Variants in MRAP observed in about 807,000 individuals in gnomAD.
The protein encoded by MRAP is melanocortin 2 receptor accessory protein.
Under a neutral mutation model 8.7 loss-of-function variants are expected in MRAP, and 8 were observed. That is an observed-to-expected ratio of 0.92 (90% confidence interval 0.54 to 1.66). The LOEUF is 1.66. MRAP is among the 40% of genes most tolerant of loss of function. MRAP has a pLI of 0.00. For synonymous variants in MRAP, 95 were observed against 95.5 expected, an observed-to-expected ratio of 1.00 and a Z score of 0.03; for missense variants, 237 against 217.1, an observed-to-expected ratio of 1.09 and a Z score of -0.58.
At chr21:32,295,628 A>C (rs552444560), upstream of MRAP, among the ~76,000 whole-genome samples, 1 of 152,234 alleles carries the variant, frequency 6.6e-6, no homozygotes, top group South Asian at 2.1e-4. Context: ...CCATTATAAC[A>C]GTATTAGTCT....
intron 1 of MRAP, among the ~76,000 whole-genome samples, chr21:32,300,584 G>T (rs574049421): frequency 2.3e-4 from 33 of 145,458 alleles, no homozygotes; most frequent in African/African-American, 8.3e-4. Flanking sequence ...TCATGTCAGG[G>T]GCGTCACACG....
intron 1 of MRAP, among the ~76,000 whole-genome samples, chr21:32,300,753 G>A (rs114204202): frequency 0.021 from 2,585 of 124,558 alleles, 71 homozygotes; most frequent in African/African-American, 0.069. Flanking sequence ...TGTGTCGTGC[G>A]TCCTATGTCA....
At chr21:32,302,978 C>T (rs1568796547) in intron 1 of MRAP, among the ~76,000 whole-genome samples, 1 of 56,880 alleles carries the variant, frequency 1.8e-5, no homozygotes, top group African/African-American at 8.1e-5. Flanking sequence ...GCCCCAATTC[C>T]CTTTTTTTTT....
At chr21:32,297,229 C>T (rs771490685), upstream of MRAP, among the ~76,000 whole-genome samples, 2 of 152,158 alleles carry the variant, frequency 1.3e-5, no homozygotes, top group Non-Finnish European at 2.9e-5. Flanking sequence ...GAGGTGGGGG[C>T]TAGTTGTCAG....
chr21:32,306,566 G>T, intron 1 of MRAP, 74 bp from the exon 2 acceptor site: 1 of 1,226,678 alleles, frequency 8.2e-7, no homozygotes, highest in South Asian at 1.2e-5. Flanking sequence ...AATACCCTGG[G>T]ACTCCTTACT....
At chr21:32,304,975 T>TTG (rs374989640) in intron 1 of MRAP, among the ~76,000 whole-genome samples, 1,346 of 74,034 alleles carry the variant, frequency 0.018, 18 homozygotes, top group Non-Finnish European at 0.037. Flanking sequence ...GTTTTTTTTT[T>TTG]TTTTTTTTTT....
At position 32,311,769 on chromosome 21, in the gene MRAP, A is replaced by G; in HGVS notation, c.292A>G (p.Arg98Gly). The G allele has an allele frequency of 6.2e-7, 1 of 1,614,126 alleles. No individual in the cohort carries two copies. The highest frequency in any genetic ancestry group is 8.5e-7 in the Non-Finnish European group (1 of 1,180,026). ...CATCCAGAAGTGCCTGCCGTGCCAC[A>G]GGGAACCCCTGGCAACCTCACAGGC... is the stretch of plus-strand genomic sequence containing the variant. The part of the protein sequence containing the change: ...LCIQKCLPCH[R>G]EPLATSQAQA... The change falls in exon 3 of 3, where the codon AGG becomes GGG. Residue 98 changes from arginine to glycine, a missense_variant. By Grantham distance (125) the Arg-to-Gly change is moderately radical. Coordinates refer to ENST00000303645, the MANE Select transcript of MRAP (RefSeq NM_001379228.1).
At position 32,302,366 on chromosome 21, in the gene MRAP, T is replaced by C. The variant is rs553857772; in HGVS notation, c.106+3289T>C. ...TCCAAAAGAAGAGACCTGTAAGTAT[T>C]TGATGAATATATGTGTTTTAGTAAG... On this transcript the variant is annotated intron_variant, in intron 1 of 2. Transcript: ENST00000303645. 4.6e-5 allele frequency among the ~76,000 whole-genome samples: 7 copies of C among 152,330 alleles called. No individual in the cohort carries two copies. In the South Asian group the frequency reaches 1.2e-3, roughly 27 times the overall value.
chr21:32,307,596 A>T (rs908880932), intron 2 of MRAP, among the ~76,000 whole-genome samples: 5 of 151,212 alleles, frequency 3.3e-5, no homozygotes, highest in Non-Finnish European at 5.9e-5. Context: ...AAAAAAAAAG[A>T]AGTTCTAAAA....
In MRAP at chr21:32,306,436, A is replaced by AG. The variant is rs575218401; in HGVS notation, c.107-202dup. ...ACAGACCCCGTGGCCAGCTGCCCTG[A>AG]GGAAAAAGACACTTCTTGGCTCCCC... On this transcript the variant is annotated intron_variant, in intron 1 of 2. Coordinates refer to ENST00000303645, the MANE Select transcript of MRAP (RefSeq NM_001379228.1). The AG allele has an allele frequency of 1.6e-3, 1,004 of 631,922 alleles. 4 individuals carry two copies. Among genetic ancestry groups the AG allele is most frequent in the Non-Finnish European group, 2.3e-3 (792 of 346,174 alleles). The allele number at this position is 631,922 out of a possible 1,614,324, so 39.1% of individuals were successfully genotyped here. A position where few individuals can be genotyped will look rare whatever the true frequency, so the allele number is the denominator to read the frequency against.
At chr21:32,291,935 AGAGT>A (rs1255410471) in intron 1 of MRAP, 8 of 152,186 alleles carry the variant, frequency 5.3e-5, no homozygotes, top group Admixed American at 3.3e-4. Flanking sequence ...AGAAAGAGAG[AGAGT>A]AAGAATAGGA....
At chr21:32,314,571 T>C (rs1032680008), downstream of MRAP, 2 of 1,614,202 alleles carry the variant, frequency 1.2e-6, no homozygotes, top group South Asian at 1.1e-5. Context: ...GATGAATCTC[T>C]TCTGCATTCA....
chr21:32,298,006 C>T (rs566582315), upstream of MRAP, among the ~76,000 whole-genome samples: 5 of 152,280 alleles, frequency 3.3e-5, no homozygotes, highest in South Asian at 6.2e-4. Context: ...GAAAGCTGGG[C>T]GTATTGGAGG....
chr21:32,311,240 C>A (rs1225071020), intron 2 of MRAP: 3 of 171,572 alleles, frequency 1.7e-5, no homozygotes, highest in South Asian at 1.6e-4. Flanking sequence ...CAATTACCTC[C>A]CACTGGGTCC....
At chr21:32,297,929 G>C (rs2032170103), upstream of MRAP, among the ~76,000 whole-genome samples, 1 of 152,164 alleles carries the variant, frequency 6.6e-6, no homozygotes. Flanking sequence ...AAGTTATCTG[G>C]GTGGACTGTC....
At chr21:32,294,554 T>C (rs1020307044), upstream of MRAP, among the ~76,000 whole-genome samples, 1 of 152,220 alleles carries the variant, frequency 6.6e-6, no homozygotes, top group Non-Finnish European at 1.5e-5. Flanking sequence ...TTGGGTTATC[T>C]GTCTTTTTAT....
chr21:32,312,179 G>C lies in MRAP; in HGVS notation c.*183G>C. 6.6e-7 allele frequency: 1 copy of C among 1,504,124 alleles called. No individual in the cohort carries two copies. The highest frequency in any genetic ancestry group is 8.8e-7 in the Non-Finnish European group (1 of 1,130,092). 93.2% of individuals were successfully genotyped at this position (1,504,124 alleles called of 1,614,324 possible). On this transcript the variant is annotated 3_prime_UTR_variant, in exon 3 of 3. Transcript: ENST00000303645. ...ATTGCAGTGGCCCCTCGAGTGCAGA[G>C]GTCATCCCAGGTGTTGCTGAGTTTA...
intron 2 of MRAP, among the ~76,000 whole-genome samples, chr21:32,310,398 C>G (rs8127539): frequency 0.99 from 151,454 of 152,242 alleles, 75,340 homozygotes; most frequent in Middle Eastern, 1. Flanking sequence ...CATCTGAAAG[C>G]ATGGCCTCTG....
chr21:32,306,901 C>T (rs2032434322), intron 2 of MRAP, 162 bp downstream of exon 2: 1 of 698,190 alleles, frequency 1.4e-6, no homozygotes, highest in Admixed American at 2.0e-5. Context: ...CATCTCAAAT[C>T]CAAAAATCCG....
Sources: allele counts gnomAD v4.1 joint callset (sites outside exome capture counted in the v4.1 genomes callset), GRCh38; gene constraint gnomAD v4.1.1; transcripts MANE v1.5; gene names NCBI Gene and HGNC (gene_info 2026-07-23, HGNC 2026-07-21).